Variants in NSG1 observed in about 807,000 individuals in gnomAD.
The protein encoded by NSG1 is neuronal vesicle trafficking-associated protein 1.
Under a neutral mutation model 19.3 loss-of-function variants are expected in NSG1, and 9 were observed. The observed-to-expected ratio is 0.47, with a 90% CI of 0.28 to 0.81. NSG1 has a LOEUF of 0.81. Among genes scored for constraint, NSG1 ranks in the 40% least tolerant of loss-of-function variants. The probability of loss-of-function intolerance (pLI) is 0.11; values close to 1 mark genes in which losing one functional copy is unlikely to be tolerated. For missense variants in NSG1, 236 were observed against 242.4 expected, an observed-to-expected ratio of 0.97 and a Z score of 0.18; for synonymous variants, 104 against 107.0, an observed-to-expected ratio of 0.97 and a Z score of 0.17.
At chr4:4,387,561 C>CGGTGGT in intron 1 of NSG1, 43 bp from the exon 2 acceptor site, 1 of 1,141,992 alleles carries the variant, frequency 8.8e-7, no homozygotes, top group Non-Finnish European at 1.2e-6. Context: ...CGCCCCGCCC[C>CGGTGGT]GGGTCTTGCT....
At chr4:4,408,045 C>A (rs1306446594) in intron 3 of NSG1, among the ~76,000 whole-genome samples, 3 of 152,136 alleles carry the variant, frequency 2.0e-5, no homozygotes, top group African/African-American at 7.2e-5. Context: ...TCCCCAGGAC[C>A]AGTGCCTGGG....
intron 4 of NSG1, among the ~76,000 whole-genome samples, chr4:4,413,474 G>C (rs1443456368): frequency 6.6e-6 from 1 of 151,164 alleles, no homozygotes; most frequent in Non-Finnish European, 1.5e-5. Context: ...GAGGACACCA[G>C]GGCTTTACAA....
rs990142947 is a variant in NSG1 at position 4,391,420 on chromosome 4, T to C, written c.130-55T>C. On this transcript the variant is annotated intron_variant, in intron 2 of 4. Transcript: ENST00000621129. ...ATGGGAGTTCCCAGACCCACCCTCT[T>C]TGGGCAGATATGTCTGAATGCATCT... 3.3e-6 allele frequency: 4 copies of C among 1,219,452 alleles called. No homozygotes were observed. In the African/African-American group the frequency reaches 6.0e-5, roughly 18 times the overall value. The allele number at this position is 1,219,452 out of a possible 1,614,324, so 75.5% of individuals were successfully genotyped here.
chr4:4,414,691 G>C (rs73199814), intron 4 of NSG1, among the ~76,000 whole-genome samples: 1,579 of 152,256 alleles, frequency 0.01, 14 homozygotes, highest in South Asian at 0.028. Flanking sequence ...GTGGTTAGAG[G>C]GTGTACAGAG....
Position 4,387,754 on chromosome 4 carries a change from A to C in NSG1, c.125A>C (p.Asp42Ala), listed in dbSNP as rs201187038. The change falls in exon 2 of 5, where the codon GAT becomes GCT. Residue 42 changes from aspartate to alanine, a missense_variant. By Grantham distance (126) the Asp-to-Ala change is moderately radical. Coordinates refer to ENST00000621129, the MANE Select transcript of NSG1 (RefSeq NM_014392.5). ...DVNQLQFPPP[D>A]KVVVKTKTEY... ...AATCAGCTGCAGTTCCCGCCCCCGGATAAGGTAAGCCCCCCCACGCCCCTC... is the reference window on the plus strand; with the variant it reads ...AATCAGCTGCAGTTCCCGCCCCCGGCTAAGGTAAGCCCCCCCACGCCCCTC... 1.2e-5 allele frequency: 19 copies of C among 1,538,422 alleles called. No homozygotes were observed. Among genetic ancestry groups the C allele is most frequent in the Non-Finnish European group, 1.7e-5 (19 of 1,111,926 alleles).
chr4:4,391,531 TC>T lies in NSG1; in HGVS notation c.188del (p.Pro63LeufsTer85), dbSNP rs764773784. On this transcript the variant is annotated frameshift_variant, in exon 3 of 5. Coordinates refer to ENST00000621129, the MANE Select transcript of NSG1 (RefSeq NM_014392.5). LOFTEE classifies it high-confidence loss of function. ...CTGACCGCAAGAAAGGGAAAGCACG[TC>T]CTCCCCAAATTGCTGAGTTCACCGT... is the stretch of plus-strand genomic sequence containing the variant. ...EPDRKKGKAR[P>X]PQIAEFTVSI... is the part of the protein sequence containing the mutation. The T allele has an allele frequency of 6.2e-7, 1 of 1,613,700 alleles. No homozygotes were observed. The highest frequency in any genetic ancestry group is 1.6e-4 in the Middle Eastern group (1 of 6,078).
chr4:4,407,873 C>T (rs1444482470), intron 3 of NSG1, among the ~76,000 whole-genome samples: 1 of 152,032 alleles, frequency 6.6e-6, no homozygotes, highest in African/African-American at 2.4e-5. Flanking sequence ...GAATCTGCAC[C>T]CTGGGCCCTG....
At chr4:4,395,052 G>T (rs556476972) in intron 3 of NSG1, among the ~76,000 whole-genome samples, 3 of 152,236 alleles carry the variant, frequency 2.0e-5, no homozygotes, top group Non-Finnish European at 4.4e-5. Context: ...TGCCCAGGAA[G>T]CCTGCAGGCT....
At chr4:4,388,836 G>T (rs990096739) in intron 2 of NSG1, among the ~76,000 whole-genome samples, 1 of 152,180 alleles carries the variant, frequency 6.6e-6, no homozygotes, top group African/African-American at 2.4e-5. Flanking sequence ...GGCAGGAGCC[G>T]GGAAGAGGCT....
chr4:4,412,203 C>T (rs932916753), intron 4 of NSG1, among the ~76,000 whole-genome samples: 5 of 152,152 alleles, frequency 3.3e-5, no homozygotes, highest in Admixed American at 1.3e-4. Flanking sequence ...TGCTGGTTCC[C>T]CACAGGGAGG....
intron 3 of NSG1, among the ~76,000 whole-genome samples, chr4:4,409,122 G>A (rs181951021): frequency 6.6e-6 from 1 of 152,354 alleles, no homozygotes; most frequent in Admixed American, 6.5e-5. Context: ...GTGTCCATGC[G>A]ACACTGCGTC....
chr4:4,406,696 C>T (rs1312383016), intron 3 of NSG1, among the ~76,000 whole-genome samples: 5 of 152,216 alleles, frequency 3.3e-5, no homozygotes, highest in South Asian at 2.1e-4. Context: ...GTGCTGTTCT[C>T]AGTGTCCCGT....
chr4:4,417,090 A>T (rs1724587761), intron 4 of NSG1, 145 bp from the exon 5 acceptor site: 2 of 679,834 alleles, frequency 2.9e-6, no homozygotes, highest in African/African-American at 3.6e-5. Context: ...CTCTCAGGGC[A>T]AGATCCATGC....
At chr4:4,416,536 A>G (rs1365707670) in intron 4 of NSG1, among the ~76,000 whole-genome samples, 1 of 152,102 alleles carries the variant, frequency 6.6e-6, no homozygotes, top group African/African-American at 2.4e-5. Flanking sequence ...CTGCCAAAAC[A>G]GGGAAAACGC....
intron 3 of NSG1, among the ~76,000 whole-genome samples, chr4:4,394,824 G>C (rs1293830082): frequency 1.3e-5 from 2 of 152,202 alleles, no homozygotes; most frequent in African/African-American, 4.8e-5. Flanking sequence ...GTGGGTCCTT[G>C]CTTGTTGAGT....
At chr4:4,392,516 G>A (rs1377197137) in intron 3 of NSG1, among the ~76,000 whole-genome samples, 1 of 152,180 alleles carries the variant, frequency 6.6e-6, no homozygotes, top group Non-Finnish European at 1.5e-5. Context: ...CAGAGCCCCT[G>A]TGGGTATGGC....
At chr4:4,411,786 A>ACAC (rs1553819761) in intron 4 of NSG1, among the ~76,000 whole-genome samples, 1 of 141,936 alleles carries the variant, frequency 7.0e-6, no homozygotes, top group African/African-American at 2.7e-5. Context: ...AACAAAACAA[A>ACAC]ACAAAACATT....
At chr4:4,412,302 G>A (rs552228931) in intron 4 of NSG1, among the ~76,000 whole-genome samples, 3 of 151,722 alleles carry the variant, frequency 2.0e-5, no homozygotes, top group Non-Finnish European at 2.9e-5. Flanking sequence ...AGGAGATGAA[G>A]CCCCAGTCCT....
intron 3 of NSG1, among the ~76,000 whole-genome samples, chr4:4,400,554 A>G (rs1311311460): frequency 6.6e-6 from 1 of 152,012 alleles, no homozygotes; most frequent in Non-Finnish European, 1.5e-5. Context: ...TTCCCATCCT[A>G]ACAATATTAT....
Sources: gnomAD v4.1 joint callset for allele counts (sites outside exome capture counted in the v4.1 genomes callset) on GRCh38, gnomAD v4.1.1 for gene constraint, MANE v1.5 for transcripts, NCBI Gene and HGNC (gene_info 2026-07-23, HGNC 2026-07-21) for gene names.